DOK6: variants seen among roughly 807,000 people sequenced by gnomAD.
DOK6 encodes the protein docking protein 6.
Under a neutral mutation model 44.0 loss-of-function variants are expected in DOK6, and 22 were observed. The observed-to-expected ratio is 0.50, with a 90% CI of 0.36 to 0.71. The LOEUF (loss-of-function observed/expected upper bound fraction) is 0.71, where lower values mean the gene tolerates loss of function less well. DOK6 is among the 30% of genes least tolerant of loss of function. The pLI is 0.00. For synonymous variants in DOK6, 166 were observed against 145.5 expected, an observed-to-expected ratio of 1.14 and a Z score of -1.01; for missense variants, 340 against 416.4, an observed-to-expected ratio of 0.82 and a Z score of 1.60.
chr18:69,482,387 A>G (rs1012625744), intron 1 of DOK6, among the ~76,000 whole-genome samples: 1 of 152,082 alleles, frequency 6.6e-6, no homozygotes, highest in Non-Finnish European at 1.5e-5. Flanking sequence ...AAATTATCAG[A>G]AAACTAGAGA....
At chr18:69,473,089 G>GA (rs1030232539) in intron 1 of DOK6, among the ~76,000 whole-genome samples, 2 of 152,206 alleles carry the variant, frequency 1.3e-5, no homozygotes, top group East Asian at 3.9e-4. Context: ...ACTTGGTTGG[G>GA]AAAAAAATTA....
intron 6 of DOK6, among the ~76,000 whole-genome samples, chr18:69,741,310 A>G (rs562770081): frequency 1.2e-4 from 19 of 152,354 alleles, no homozygotes; most frequent in Admixed American, 1.0e-3. Flanking sequence ...TCTGCAGGTT[A>G]ATGCTAGTAA....
intron 1 of DOK6, among the ~76,000 whole-genome samples, chr18:69,489,546 C>A (rs1980677915): frequency 6.6e-6 from 1 of 152,086 alleles, no homozygotes; most frequent in Non-Finnish European, 1.5e-5. Flanking sequence ...TCCAAAATAC[C>A]AGTATTGTCA....
At chr18:69,693,312 G>GAAAAAA (rs10554189) in intron 4 of DOK6, among the ~76,000 whole-genome samples, 3 of 126,142 alleles carry the variant, frequency 2.4e-5, no homozygotes, top group African/African-American at 3.0e-5. Flanking sequence ...CTTCTTTGAA[G>GAAAAAA]AAAAAAAAAA....
At chr18:69,722,768 A>C (rs986975591) in intron 5 of DOK6, among the ~76,000 whole-genome samples, 1 of 152,196 alleles carries the variant, frequency 6.6e-6, no homozygotes, top group African/African-American at 2.4e-5. Context: ...CATTTATGTT[A>C]ATTTAAAATA....
At chr18:69,470,933 T>TA (rs1233119641) in intron 1 of DOK6, among the ~76,000 whole-genome samples, 1 of 151,998 alleles carries the variant, frequency 6.6e-6, no homozygotes, top group African/African-American at 2.4e-5. Context: ...TAGATGAAGA[T>TA]AAATGCTGTA....
At chr18:69,508,657 T>C (rs1206259888) in intron 1 of DOK6, among the ~76,000 whole-genome samples, 1 of 152,214 alleles carries the variant, frequency 6.6e-6, no homozygotes, top group Non-Finnish European at 1.5e-5. Context: ...GACAGGGTTA[T>C]TAAAATTGGC....
rs1310254307 is a variant in DOK6 at position 69,568,563 on chromosome 18, C to CA, written c.174+3971dup. Among the ~76,000 whole-genome samples, 3 of 152,242 alleles carry CA rather than the reference C, an allele frequency of 2.0e-5. No individual in the cohort carries two copies. The East Asian group carries it at 5.8e-4, about 29-fold the overall frequency. ...CACACCAAAGCAATATTGGCCATGG[C>CA]AATGGGATGACTAAAACCAGCAGTT... On this transcript the variant is annotated intron_variant, in intron 2 of 7. Transcript: ENST00000382713.
intron 6 of DOK6, among the ~76,000 whole-genome samples, chr18:69,740,095 C>G (rs372854228): frequency 3.3e-5 from 5 of 152,098 alleles, no homozygotes; most frequent in African/African-American, 1.2e-4. Context: ...AAAAAAGAGC[C>G]TTCCTAACAC....
At chr18:69,499,473 G>A (rs888906963) in intron 1 of DOK6, among the ~76,000 whole-genome samples, 1 of 152,122 alleles carries the variant, frequency 6.6e-6, no homozygotes. Context: ...ACGCAAAAAT[G>A]ATTAACTTCA....
At position 69,841,318 on chromosome 18, in the gene DOK6, G is replaced by A. The variant is rs1483737338; in HGVS notation, c.931G>A (p.Ala311Thr). The change falls in exon 8 of 8, where the codon GCC (alanine) becomes ACC (threonine). Residue 311 changes from alanine (A) to threonine (T), a missense_variant. Ala to Thr is a moderately conservative substitution (Grantham distance 58). This residue lies in a region of DOK6 where 112 missense variants were observed against 109.3 expected (regional missense o/e 1.02). Transcript: ENST00000382713. ...CTACGCCCCAGAACAGAGTGAAGAG[G>A]CCCAGCAGCCGTTGTCGCGGTCCAG... ...PSYAPEQSEEAQQPLSRSSSY... is the reference protein window; with the variant it reads ...PSYAPEQSEETQQPLSRSSSY... The A allele has an allele frequency of 1.9e-6, 3 of 1,614,052 alleles. No individual in the cohort carries two copies. The highest frequency in any genetic ancestry group is 2.5e-6 in the Non-Finnish European group (3 of 1,180,044).
intron 5 of DOK6, among the ~76,000 whole-genome samples, chr18:69,722,030 C>T (rs1044037358): frequency 1.3e-5 from 2 of 152,126 alleles, no homozygotes; most frequent in Non-Finnish European, 2.9e-5. Flanking sequence ...TATGATAACT[C>T]GTGGGAAACC....
intron 6 of DOK6, among the ~76,000 whole-genome samples, chr18:69,746,699 C>A: frequency 6.6e-6 from 1 of 152,232 alleles, no homozygotes; most frequent in Non-Finnish European, 1.5e-5. Context: ...TGGTACAGAC[C>A]TAGCATGGTA....
At chr18:69,684,387 A>G (rs1986105230) in intron 4 of DOK6, among the ~76,000 whole-genome samples, 2 of 152,204 alleles carry the variant, frequency 1.3e-5, no homozygotes. Flanking sequence ...AAGGAGATGT[A>G]TATGTGAAGA....
At chr18:69,521,928 T>A (rs1981697794) in intron 1 of DOK6, among the ~76,000 whole-genome samples, 1 of 151,872 alleles carries the variant, frequency 6.6e-6, no homozygotes, top group Non-Finnish European at 1.5e-5. Flanking sequence ...CAGTTAAAAT[T>A]TAAAAAAATT....
At chr18:69,831,351 A>G (rs1981895643) in intron 7 of DOK6, 1 of 152,206 alleles carries the variant, frequency 6.6e-6, no homozygotes, top group South Asian at 2.1e-4. Context: ...ACTGATTCAG[A>G]TGCTAACCTG....
intron 1 of DOK6, among the ~76,000 whole-genome samples, chr18:69,539,556 G>A (rs111624532): frequency 3.0e-3 from 443 of 150,048 alleles, no homozygotes; most frequent in African/African-American, 0.01. Context: ...CAGGATATAC[G>A]TATATATCCT....
chr18:69,495,524 TG>T (rs1470242976), intron 1 of DOK6, among the ~76,000 whole-genome samples: 1 of 152,126 alleles, frequency 6.6e-6, no homozygotes, highest in Non-Finnish European at 1.5e-5. Context: ...TGGCTGAGCC[TG>T]GGGCTTCTAT....
chr18:69,464,794 G>A (rs1163014750), intron 1 of DOK6, among the ~76,000 whole-genome samples: 2 of 152,126 alleles, frequency 1.3e-5, no homozygotes, highest in Non-Finnish European at 2.9e-5. Context: ...AATTAATCAG[G>A]ACACTTCAAA....
Sources: gnomAD v4.1 joint callset for allele counts (sites outside exome capture counted in the v4.1 genomes callset) on GRCh38, gnomAD v4.1.1 for gene constraint, gnomAD v4.1.1 regional missense constraint, MANE v1.5 for transcripts, NCBI Gene and HGNC (gene_info 2026-07-23, HGNC 2026-07-21) for gene names.